NFKB1: variants seen among roughly 807,000 people sequenced by gnomAD.
NFKB1 encodes the protein nuclear factor NF-kappa-B p105 subunit.
NFKB1 carries 9 observed loss-of-function variants against 105.1 expected under a neutral mutation model. The observed-to-expected ratio is 0.09, with a 90% CI of 0.05 to 0.15. The LOEUF (loss-of-function observed/expected upper bound fraction) is 0.15, where lower values mean the gene tolerates loss of function less well. Among genes scored for constraint, NFKB1 ranks in the 10% least tolerant of loss-of-function variants. The pLI is 1.00. For synonymous variants in NFKB1, 440 were observed against 442.2 expected (o/e 1.00, Z 0.06); for missense variants, 830 against 1,203.7 (o/e 0.69, Z 4.59).
In NFKB1 at chr4:102,596,268, T is replaced by G; in HGVS notation, c.1431T>G (p.Val477=). 1 of 1,613,742 alleles carries G rather than the reference T, an allele frequency of 6.2e-7. No homozygotes were observed. Among genetic ancestry groups the G allele is most frequent in the African/African-American group, 1.3e-5 (1 of 75,030 alleles). The stretch of plus-strand genomic sequence containing the variant: ...ATCAGGAGCCCAGCGAGGCCACCGT[T>G]GGGAATGGTGAGGTCACTCTAACGT... ...EQDQEPSEAT[V]GNGEVTLTYA... Residue 477 remains valine, a synonymous_variant, in exon 14 of 24, where the codon GTT becomes GTG. Transcript: ENST00000226574.
chr4:102,506,509 A>G (rs1739425815), intron 1 of NFKB1, among the ~76,000 whole-genome samples: 3 of 152,200 alleles, frequency 2.0e-5, no homozygotes. Context: ...TGATTTTTCC[A>G]ACACTATAGA....
chr4:102,519,948 G>T (rs1468798160), intron 1 of NFKB1, among the ~76,000 whole-genome samples: 1 of 152,184 alleles, frequency 6.6e-6, no homozygotes, highest in Non-Finnish European at 1.5e-5. Context: ...GTGAACCAAA[G>T]CACTGTCATG....
intron 1 of NFKB1, among the ~76,000 whole-genome samples, chr4:102,514,439 T>A (rs1321840818): frequency 1.3e-5 from 2 of 152,186 alleles, no homozygotes; most frequent in Non-Finnish European, 2.9e-5. Context: ...TTGTCTCCTC[T>A]TGCCTTTCCG....
chr4:102,523,931 A>G (rs1409319021), intron 1 of NFKB1, among the ~76,000 whole-genome samples: 2 of 152,136 alleles, frequency 1.3e-5, no homozygotes, highest in African/African-American at 4.8e-5. Context: ...TTCCAGCTAC[A>G]ATACTAATTC....
chr4:102,540,822 A>T (rs1741951481), intron 5 of NFKB1, among the ~76,000 whole-genome samples: 1 of 152,080 alleles, frequency 6.6e-6, no homozygotes, highest in African/African-American at 2.4e-5. Flanking sequence ...TATCCCTTTT[A>T]ATAGTTATTT....
At chr4:102,537,986 G>C (rs1220398424) in intron 5 of NFKB1, 30 bp downstream of exon 5, 4 of 1,361,230 alleles carry the variant, frequency 2.9e-6, no homozygotes, top group Non-Finnish European at 2.1e-6. Flanking sequence ...CCTTCTATTT[G>C]AATTCTGGAA....
intron 2 of NFKB1, 69 bp downstream of exon 2, chr4:102,525,626 C>A: frequency 1.5e-6 from 2 of 1,367,246 alleles, no homozygotes; most frequent in South Asian, 1.3e-5. Context: ...GCAAAGGCAA[C>A]ATTAGTAAGT....
intron 14 of NFKB1, among the ~76,000 whole-genome samples, chr4:102,597,192 T>TA (rs1484413835): frequency 3.3e-5 from 5 of 152,258 alleles, no homozygotes; most frequent in African/African-American, 4.8e-5. Flanking sequence ...AAAATCATGG[T>TA]AAAATCTAAC....
At position 102,578,897 on chromosome 4, in the gene NFKB1, A is replaced by G. The variant is rs1332814825; in HGVS notation, c.588A>G (p.Leu196=). ...DRQLGDREKE[L]IRQAALQQTK... is the part of the protein sequence containing the mutation. The stretch of plus-strand genomic sequence containing the variant: ...TGGCCCTAGATCGGGAAAAAGAGCT[A>G]ATCCGCCAAGCAGCTCTGCAGCAGA... Residue 196 remains leucine, a synonymous_variant, in exon 8 of 24, where the codon CTA becomes CTG. Transcript: ENST00000226574. The G allele has an allele frequency of 6.2e-7, 1 of 1,614,048 alleles. No homozygotes were observed. Among genetic ancestry groups the G allele is most frequent in the East Asian group, 2.2e-5 (1 of 44,868 alleles).
intron 11 of NFKB1, among the ~76,000 whole-genome samples, chr4:102,589,419 A>G (rs988251978): frequency 6.6e-6 from 1 of 152,192 alleles, no homozygotes; most frequent in Non-Finnish European, 1.5e-5. Flanking sequence ...TTCTCCACTT[A>G]AAGGTCATCC....
In NFKB1 at chr4:102,527,237, G is replaced by A. The variant is rs1025250151; in HGVS notation, c.39+1680G>A. Among the ~76,000 whole-genome samples, 10 of 152,186 alleles carry A rather than the reference G, an allele frequency of 6.6e-5. No homozygotes were observed. In the East Asian group the frequency reaches 7.7e-4, roughly 12 times the overall value. On this transcript the variant is annotated intron_variant, in intron 2 of 23. Coordinates refer to ENST00000226574, the MANE Select transcript of NFKB1 (RefSeq NM_003998.4). ...GATATATGCTGTAGTAGTAGTCTGC[G>A]CAGAGCGGGATAGAAATGTTAATAA... is the stretch of plus-strand genomic sequence containing the variant.
In NFKB1 at chr4:102,543,257, ATCC is replaced by A. The variant is rs1560657565; in HGVS notation, c.258+5307_258+5309del. 2.0e-5 allele frequency among the ~76,000 whole-genome samples: 3 copies of A among 152,236 alleles called. No individual in the cohort carries two copies. In the East Asian group the frequency reaches 5.8e-4, roughly 29 times the overall value. On this transcript the variant is annotated intron_variant, in intron 5 of 23. Coordinates refer to ENST00000226574, the MANE Select transcript of NFKB1 (RefSeq NM_003998.4). ...CATGGGACTTCAGAAACTCTCACCA[ATCC>A]TCCTCTAGAGTGACCAGAAAGTACC...
At chr4:102,528,733 T>C (rs1228893011) in intron 2 of NFKB1, among the ~76,000 whole-genome samples, 1 of 152,234 alleles carries the variant, frequency 6.6e-6, no homozygotes, top group East Asian at 1.9e-4. Flanking sequence ...GTTACAATGT[T>C]TTTTGATAAG....
At chr4:102,505,696 A>G (rs1402832486) in intron 1 of NFKB1, among the ~76,000 whole-genome samples, 2 of 152,184 alleles carry the variant, frequency 1.3e-5, no homozygotes, top group African/African-American at 4.8e-5. Context: ...AGCCAAAATT[A>G]TAAAAAATGA....
chr4:102,510,813 A>G, intron 1 of NFKB1: 3 of 389,422 alleles, frequency 7.7e-6, no homozygotes, highest in Non-Finnish European at 1.2e-5. Flanking sequence ...AATTATAACT[A>G]TATTTGGAGG....
chr4:102,558,142 A>AT (rs1723131220), intron 5 of NFKB1, among the ~76,000 whole-genome samples: 1 of 149,356 alleles, frequency 6.7e-6, no homozygotes. Flanking sequence ...TCACTCAGGT[A>AT]TTAAGCCTAA....
At position 102,578,931 on chromosome 4, in the gene NFKB1, A is replaced by G. The variant is rs751252206; in HGVS notation, c.622A>G (p.Met208Val). 1 of 1,614,080 alleles carries G rather than the reference A, an allele frequency of 6.2e-7. No individual in the cohort carries two copies. Among genetic ancestry groups the G allele is most frequent in the Non-Finnish European group, 8.5e-7 (1 of 1,179,992 alleles). The change falls in exon 8 of 24, where the codon ATG (methionine) becomes GTG (valine). Residue 208 changes from methionine (M) to valine (V), a missense_variant. By Grantham distance (21) the Met-to-Val change is conservative. Transcript: ENST00000226574. The part of the protein sequence containing the change: ...RQAALQQTKE[M>V]DLSVVRLMFT... ...AGCAGCTCTGCAGCAGACCAAGGAG[A>G]TGGACCTCAGCGTGGTGCGGCTCAT... is the stretch of plus-strand genomic sequence containing the variant.
chr4:102,556,714 T>C (rs1445456979), intron 5 of NFKB1, among the ~76,000 whole-genome samples: 2 of 152,204 alleles, frequency 1.3e-5, no homozygotes, highest in Admixed American at 6.5e-5. Context: ...TTTTCTTATG[T>C]ACTTTGTAGG....
intron 4 of NFKB1, among the ~76,000 whole-genome samples, chr4:102,536,960 TATG>T (rs1470404920): frequency 3.3e-5 from 5 of 152,200 alleles, no homozygotes; most frequent in Non-Finnish European, 7.3e-5. Context: ...CCTCCCTTAA[TATG>T]ATGATGAGGT....
Sources: gnomAD v4.1 joint callset for allele counts (sites outside exome capture counted in the v4.1 genomes callset) on GRCh38, gnomAD v4.1.1 for gene constraint, MANE v1.5 for transcripts, NCBI Gene and HGNC (gene_info 2026-07-23, HGNC 2026-07-21) for gene names.